The following C1QL2 variants were observed in gnomAD, a reference collection of about 807,000 sequenced individuals.
C1QL2 encodes the protein complement C1q-like protein 2.
A neutral mutation model predicts 16.6 loss-of-function variants in C1QL2; 13 were observed. The ratio of observed to expected loss-of-function variants is 0.78; its 90% CI spans 0.51 to 1.25. The LOEUF (loss-of-function observed/expected upper bound fraction) is 1.25, where lower values mean the gene tolerates loss of function less well. C1QL2 is among the 50% of genes most tolerant of loss of function. The pLI, the probability that C1QL2 is intolerant of heterozygous loss-of-function variation, is 0.00. For missense variants in C1QL2, 396 were observed against 409.6 expected (o/e 0.97, Z 0.29); for synonymous variants, 210 against 183.2 (o/e 1.15, Z -1.18).
rs1216732917 is a variant in C1QL2 at position 119,158,600 on chromosome 2, G to C, written c.-331C>G. 1.2e-5 allele frequency: 2 copies of C among 171,432 alleles called. No homozygotes were observed. Among genetic ancestry groups the C allele is most frequent in the Non-Finnish European group, 2.5e-5 (2 of 80,464 alleles). The allele number at this position is 171,432 out of a possible 1,614,324, so 10.6% of individuals were successfully genotyped here. A position where few individuals can be genotyped will look rare whatever the true frequency, so the allele number is the denominator to read the frequency against. ...GACGAATCCGGCGCCCCGAGGGTCC[G>C]GCGCCGGCCAGGGAGTGCTTGCGCT... On this transcript the variant is annotated 5_prime_UTR_variant, in exon 1 of 2. Coordinates refer to ENST00000272520, the MANE Select transcript of C1QL2 (RefSeq NM_182528.4).
rs1405572208 is a variant in C1QL2, at chr2:119,157,808, G to A, written c.462C>T (p.Phe154=). 1 of 1,599,396 alleles carries A rather than the reference G, an allele frequency of 6.3e-7. No individual in the cohort carries two copies. Among genetic ancestry groups the A allele is most frequent in the Admixed American group, 1.7e-5 (1 of 57,960 alleles). ...GEVTSALSAT[F]SGPKIAFYVG... is the part of the protein sequence containing the mutation. ...CATAGAAGGCGATCTTGGGGCCGCT[G>A]AAGGTGGCGCTCAGCGCACTGGTCA... Residue 154 remains phenylalanine, a synonymous_variant, in exon 1 of 2, where the codon TTC becomes TTT. Transcript: ENST00000272520.
chr2:119,157,059 C>T, intron 1 of C1QL2, 78 bp from the exon 2 acceptor site: 1 of 1,511,728 alleles, frequency 6.6e-7, no homozygotes, highest in Non-Finnish European at 9.0e-7. Context: ...AGGCGCGCCA[C>T]TCACGGGCCT....
chr2:119,157,943 G>T lies in C1QL2; in HGVS notation c.327C>A (p.Gly109=), dbSNP rs1332482941. 4 of 1,538,940 alleles carry T rather than the reference G, an allele frequency of 2.6e-6. No individual in the cohort carries two copies. The highest frequency in any genetic ancestry group is 1.4e-5 in the African/African-American group (1 of 72,718). The change falls in exon 1 of 2, where the codon GGC becomes GGA. Residue 109 remains glycine (G), a synonymous_variant. Transcript: ENST00000272520. ...PGPRGPPGEK[G]DSGRPGLPGL... ...CTGGCAGCCCGGGCCGCCCCGAGTC[G>T]CCCTTCTCTCCCGGAGGGCCCCTGG...
Position 119,156,387 on chromosome 2 carries a change from C to T in C1QL2, c.*415G>A. On this transcript the variant is annotated 3_prime_UTR_variant, in exon 2 of 2. Coordinates refer to ENST00000272520, the MANE Select transcript of C1QL2 (RefSeq NM_182528.4). Reference sequence around the variant, plus strand: ...GACAGGGAAATCTGCACAAGTATTTCGGGTCACAAAGAAGGACGCCCCAGG... The same window carrying T: ...GACAGGGAAATCTGCACAAGTATTTTGGGTCACAAAGAAGGACGCCCCAGG... 6.2e-6 allele frequency: 1 copy of T among 161,234 alleles called. No homozygotes were observed. 10.0% of individuals were successfully genotyped at this position (161,234 alleles called of 1,614,324 possible).
Position 119,156,294 on chromosome 2 carries a change from GA to G in C1QL2, c.*507del, listed in dbSNP as rs1677959868. ...ATCGCGGTGAGTCTGAGTCAGGAGGGAATGCGGTGTGGAGAGGTGAATTTTC... is the reference window on the plus strand; with the variant it reads ...ATCGCGGTGAGTCTGAGTCAGGAGGGATGCGGTGTGGAGAGGTGAATTTTC... On this transcript the variant is annotated 3_prime_UTR_variant, in exon 2 of 2. Coordinates refer to ENST00000272520, the MANE Select transcript of C1QL2 (RefSeq NM_182528.4). The G allele has an allele frequency of 6.5e-6, 1 of 154,238 alleles. No homozygotes were observed. The highest frequency in any genetic ancestry group is 2.4e-5 in the African/African-American group (1 of 41,478). The allele number at this position is 154,238 out of a possible 1,614,324, so 9.6% of individuals were successfully genotyped here.
chr2:119,157,914 A>G lies in C1QL2; in HGVS notation c.356T>C (p.Leu119Pro), dbSNP rs775020011. Reference protein sequence around the residue: ...GDSGRPGLPGLQLTAGTASGV... With the variant: ...GDSGRPGLPGPQLTAGTASGV... ...GCTGGCCGTGCCCGCCGTCAGTTGC[A>G]GCCCTGGCAGCCCGGGCCGCCCCGA... The change falls in exon 1 of 2, where the codon CTG becomes CCG. Residue 119 changes from leucine (L) to proline (P), a missense_variant. Leu to Pro is a moderately conservative substitution (Grantham distance 98). Around this residue, in one of 2 missense-constraint regions of C1QL2, gnomAD observed 353 missense variants for 334.8 expected, o/e 1.05. Transcript: ENST00000272520. 2 of 1,556,624 alleles carry G rather than the reference A, an allele frequency of 1.3e-6. No homozygotes were observed. The highest frequency in any genetic ancestry group is 4.8e-5 in the East Asian group (2 of 41,492).
At position 119,156,625 on chromosome 2, in the gene C1QL2, C is replaced by A. The variant is rs1677965899; in HGVS notation, c.*177G>T. On this transcript the variant is annotated 3_prime_UTR_variant, in exon 2 of 2. Coordinates refer to ENST00000272520, the MANE Select transcript of C1QL2 (RefSeq NM_182528.4). The stretch of plus-strand genomic sequence containing the variant: ...TGGAGACCAGGAGCACAGCCCTGAG[C>A]GTGGTGGGTCGCAGACGCACTGAGG... The A allele has an allele frequency of 2.8e-6, 2 of 718,312 alleles. No individual in the cohort carries two copies. Among genetic ancestry groups the A allele is most frequent in the Non-Finnish European group, 4.4e-6 (2 of 451,250 alleles). The allele number at this position is 718,312 out of a possible 1,614,324, so 44.5% of individuals were successfully genotyped here.
rs1678002984 is a variant in C1QL2 at position 119,158,364 on chromosome 2, G to C, written c.-95C>G. ...CACCAGCTCCTCCTTGCCGCCCGGG[G>C]AGGTAATGGTGGGGCGGCGCGGGCG... On this transcript the variant is annotated 5_prime_UTR_variant, in exon 1 of 2. Coordinates refer to ENST00000272520, the MANE Select transcript of C1QL2 (RefSeq NM_182528.4). 1 of 1,135,032 alleles carries C rather than the reference G, an allele frequency of 8.8e-7. No individual in the cohort carries two copies. Among genetic ancestry groups the C allele is most frequent in the African/African-American group, 1.6e-5 (1 of 61,324 alleles). 70.3% of individuals were successfully genotyped at this position (1,135,032 alleles called of 1,614,324 possible).
chr2:119,156,773 A>G lies in C1QL2; in HGVS notation c.*29T>C. 15 of 1,602,608 alleles carry G rather than the reference A, an allele frequency of 9.4e-6. No homozygotes were observed. The highest frequency in any genetic ancestry group is 1.3e-5 in the Non-Finnish European group (15 of 1,174,020). On this transcript the variant is annotated 3_prime_UTR_variant, in exon 2 of 2. Transcript: ENST00000272520. ...CCCGGGCGGAGACCGGGCGGCCTGC[A>G]GCCACCCCGCCTCGCACCCCCCGCG...
chr2:119,157,232 C>T (rs1677976522), intron 1 of C1QL2, among the ~76,000 whole-genome samples: 2 of 152,158 alleles, frequency 1.3e-5, no homozygotes, highest in South Asian at 4.1e-4. Flanking sequence ...AGGGTGGGAG[C>T]CAGGGGCCAG....
rs577041046 is a variant in C1QL2, at chr2:119,157,410, T to C, written c.684+176A>G. On this transcript the variant is annotated intron_variant, in intron 1 of 1. Transcript: ENST00000272520. ...TCAAGGCCCAACATTTGGCTCTACGTCCCGGTGAGCGCGGCCTCGGCGCAT... is the reference window on the plus strand; with the variant it reads ...TCAAGGCCCAACATTTGGCTCTACGCCCCGGTGAGCGCGGCCTCGGCGCAT... Among the ~76,000 whole-genome samples, 4 of 152,236 alleles carry C rather than the reference T, an allele frequency of 2.6e-5. No homozygotes were observed. The South Asian group carries it at 8.3e-4, about 32-fold the overall frequency.
In C1QL2 at chr2:119,158,326, G is replaced by C. The variant is rs1227326661; in HGVS notation, c.-57C>G. 2 of 1,304,752 alleles carry C rather than the reference G, an allele frequency of 1.5e-6. No homozygotes were observed. The highest frequency in any genetic ancestry group is 1.9e-6 in the Non-Finnish European group (2 of 1,028,248). 80.8% of individuals were successfully genotyped at this position (1,304,752 alleles called of 1,614,324 possible). A position where few individuals can be genotyped will look rare whatever the true frequency, so the allele number is the denominator to read the frequency against. On this transcript the variant is annotated 5_prime_UTR_variant, in exon 1 of 2. Coordinates refer to ENST00000272520, the MANE Select transcript of C1QL2 (RefSeq NM_182528.4). Reference sequence around the variant, plus strand: ...GCACGCCGCCGCCGCTGCCACAGCCGGGAGGCGACCGCCACCAGCTCCTCC... The same window carrying C: ...GCACGCCGCCGCCGCTGCCACAGCCCGGAGGCGACCGCCACCAGCTCCTCC...
chr2:119,157,543 G>A (rs775790397), intron 1 of C1QL2, 43 bp downstream of exon 1: 2 of 1,487,950 alleles, frequency 1.3e-6, no homozygotes, highest in African/African-American at 2.3e-5. Flanking sequence ...TTCAGGGCGC[G>A]GGCGAGGGTT....
chr2:119,156,662 G>A lies in C1QL2; in HGVS notation c.*140C>T, dbSNP rs986686623. The A allele has an allele frequency of 9.9e-7, 1 of 1,008,170 alleles. No individual in the cohort carries two copies. Among genetic ancestry groups the A allele is most frequent in the South Asian group, 1.7e-5 (1 of 59,452 alleles). The allele number at this position is 1,008,170 out of a possible 1,614,324, so 62.5% of individuals were successfully genotyped here. Reference sequence around the variant, plus strand: ...CAGACGCACTGAGGCCAGGAGCGGGGCAGGGAGGACGCAGGGATTTGTCTT... The same window carrying A: ...CAGACGCACTGAGGCCAGGAGCGGGACAGGGAGGACGCAGGGATTTGTCTT... On this transcript the variant is annotated 3_prime_UTR_variant, in exon 2 of 2. Coordinates refer to ENST00000272520, the MANE Select transcript of C1QL2 (RefSeq NM_182528.4).
Position 119,156,756 on chromosome 2 carries a change from G to C in C1QL2, c.*46C>G. 1.3e-6 allele frequency: 2 copies of C among 1,587,618 alleles called. No individual in the cohort carries two copies. The highest frequency in any genetic ancestry group is 2.3e-5 in the South Asian group (2 of 87,724). On this transcript the variant is annotated 3_prime_UTR_variant, in exon 2 of 2. Transcript: ENST00000272520. The stretch of plus-strand genomic sequence containing the variant: ...TTTGCCAAGGAGCCGCGCCCGGGCG[G>C]AGACCGGGCGGCCTGCAGCCACCCC...
Position 119,158,135 on chromosome 2 carries a change from C to A in C1QL2, c.135G>T (p.Pro45=). 1 of 1,554,530 alleles carries A rather than the reference C, an allele frequency of 6.4e-7. No individual in the cohort carries two copies. Among genetic ancestry groups the A allele is most frequent in the East Asian group, 2.5e-5 (1 of 40,640 alleles). The change falls in exon 1 of 2, where the codon CCG becomes CCT. Residue 45 remains proline, a synonymous_variant. Coordinates refer to ENST00000272520, the MANE Select transcript of C1QL2 (RefSeq NM_182528.4). The part of the protein sequence containing the change: ...PYTAAPGGEP[P]GAKAQPPGPS... Reference sequence around the variant, plus strand: ...GTCCGGGTGGCTGCGCCTTTGCACCCGGGGGCTCCCCGCCGGGCGCGGCAG... The same window carrying A: ...GTCCGGGTGGCTGCGCCTTTGCACCAGGGGGCTCCCCGCCGGGCGCGGCAG...
chr2:119,156,537 T>C lies in C1QL2; in HGVS notation c.*265A>G, dbSNP rs1382983009. The C allele has an allele frequency of 4.9e-6, 2 of 411,246 alleles. No homozygotes were observed. Among genetic ancestry groups the C allele is most frequent in the Non-Finnish European group, 4.4e-6 (1 of 228,272 alleles). The allele number at this position is 411,246 out of a possible 1,614,324, so 25.5% of individuals were successfully genotyped here. ...CCTGCCTGTCCAGTCTAATCAGGTT[T>C]GCAAAGTCTGTGCCGCCGCCTCAAG... On this transcript the variant is annotated 3_prime_UTR_variant, in exon 2 of 2. Coordinates refer to ENST00000272520, the MANE Select transcript of C1QL2 (RefSeq NM_182528.4).
At position 119,158,213 on chromosome 2, in the gene C1QL2, G is replaced by T; in HGVS notation, c.57C>A (p.Gly19=). Residue 19 remains glycine, a synonymous_variant, in exon 1 of 2, where the codon GGC becomes GGA. Transcript: ENST00000272520. Reference sequence around the variant, plus strand: ...TGCCCATCATCTCATAGTGCGCGGCGCCTCGGGGCGCCGCCTGCAGCAGCA... The same window carrying T: ...TGCCCATCATCTCATAGTGCGCGGCTCCTCGGGGCGCCGCCTGCAGCAGCA... ...VPLLLQAAPR[G]AAHYEMMGTC... is the part of the protein sequence containing the mutation. The T allele has an allele frequency of 6.4e-7, 1 of 1,572,730 alleles. No homozygotes were observed. Among genetic ancestry groups the T allele is most frequent in the Non-Finnish European group, 8.6e-7 (1 of 1,163,846 alleles).
chr2:119,158,378 G>A lies in C1QL2; in HGVS notation c.-109C>T. 1.0e-6 allele frequency: 1 copy of A among 967,722 alleles called. No individual in the cohort carries two copies. The highest frequency in any genetic ancestry group is 1.3e-6 in the Non-Finnish European group (1 of 747,292). 59.9% of individuals were successfully genotyped at this position (967,722 alleles called of 1,614,324 possible). On this transcript the variant is annotated 5_prime_UTR_variant, in exon 1 of 2. Transcript: ENST00000272520. ...TGCCGCCCGGGGAGGTAATGGTGGG[G>A]CGGCGCGGGCGGCCCCGCTCCCCGC...
Sources: gnomAD v4.1 joint callset for allele counts (sites outside exome capture counted in the v4.1 genomes callset) on GRCh38, gnomAD v4.1.1 for gene constraint, gnomAD v4.1.1 regional missense constraint, MANE v1.5 for transcripts, NCBI Gene and HGNC (gene_info 2026-07-23, HGNC 2026-07-21) for gene names.